ROBO2: variants seen among roughly 807,000 people sequenced by gnomAD.
ROBO2 encodes the protein roundabout guidance receptor 2, also known as roundabout homolog 2.
Under a neutral mutation model 160.8 loss-of-function variants are expected in ROBO2, and 53 were observed. The observed-to-expected ratio is 0.33, with a 90% CI of 0.26 to 0.41. The LOEUF is 0.41. Among genes scored for constraint, ROBO2 ranks in the 10% least tolerant of loss-of-function variants. The probability of loss-of-function intolerance (pLI) is 1.00; values close to 1 mark genes in which losing one functional copy is unlikely to be tolerated. For missense variants in ROBO2, 1,577 were observed against 1,722.4 expected (o/e 0.92, Z 1.49); for synonymous variants, 664 against 611.7 (o/e 1.09, Z -1.26).
chr3:76,563,145 T>A (rs1009661803), intron 2 of ROBO2, among the ~76,000 whole-genome samples: 1 of 151,976 alleles, frequency 6.6e-6, no homozygotes, highest in Non-Finnish European at 1.5e-5. Context: ...CCTTGAAAAA[T>A]TGGGGAAGAT....
At chr3:76,488,346 C>T (rs1046833231) in intron 2 of ROBO2, among the ~76,000 whole-genome samples, 1 of 152,082 alleles carries the variant, frequency 6.6e-6, no homozygotes, top group Non-Finnish European at 1.5e-5. Flanking sequence ...TTCCCTGTGG[C>T]TGTAGGACTG....
At chr3:76,672,917 T>C (rs1244991541) in intron 2 of ROBO2, among the ~76,000 whole-genome samples, 1 of 151,938 alleles carries the variant, frequency 6.6e-6, no homozygotes, top group African/African-American at 2.4e-5. Context: ...TTTCATTTAA[T>C]TTTAATATTG....
chr3:77,048,741 A>G (rs1421699975), intron 1 of ROBO2, among the ~76,000 whole-genome samples: 1 of 152,198 alleles, frequency 6.6e-6, no homozygotes, highest in Non-Finnish European at 1.5e-5. Context: ...ATAATTATCC[A>G]TTAGTTACAT....
chr3:76,181,167 C>T (rs145025914), intron 2 of ROBO2, among the ~76,000 whole-genome samples: 84 of 152,108 alleles, frequency 5.5e-4, no homozygotes, highest in Non-Finnish European at 7.4e-4. Flanking sequence ...ATTACAACTG[C>T]CATTATTTGT....
At chr3:76,350,412 T>C (rs1257294530) in intron 2 of ROBO2, among the ~76,000 whole-genome samples, 2 of 152,078 alleles carry the variant, frequency 1.3e-5, no homozygotes, top group Non-Finnish European at 2.9e-5. Context: ...CTTTGAAATA[T>C]ATCTTCAGTT....
chr3:77,323,148 C>A (rs1008937812), intron 2 of ROBO2, among the ~76,000 whole-genome samples: 2 of 147,170 alleles, frequency 1.4e-5, no homozygotes, highest in South Asian at 2.1e-4. Context: ...TATGTAATTA[C>A]TTGTATCAAA....
intron 2 of ROBO2, among the ~76,000 whole-genome samples, chr3:76,369,035 A>T (rs2075972919): frequency 6.6e-6 from 1 of 151,674 alleles, no homozygotes; most frequent in East Asian, 2.0e-4. Context: ...TTTATTACAT[A>T]TTTTTTTTCT....
intron 2 of ROBO2, among the ~76,000 whole-genome samples, chr3:76,738,712 C>A (rs185918572): frequency 6.6e-6 from 1 of 151,952 alleles, no homozygotes; most frequent in African/African-American, 2.4e-5. Flanking sequence ...ATGATATGGC[C>A]GAGTGAATGA....
At chr3:77,443,658 A>C (rs552782355) in intron 2 of ROBO2, among the ~76,000 whole-genome samples, 1 of 152,292 alleles carries the variant, frequency 6.6e-6, no homozygotes, top group East Asian at 1.9e-4. Context: ...TAACATTTTT[A>C]CCTATATATT....
intron 2 of ROBO2, among the ~76,000 whole-genome samples, chr3:76,245,352 A>G (rs1705554870): frequency 6.6e-6 from 1 of 152,218 alleles, no homozygotes; most frequent in Non-Finnish European, 1.5e-5. Context: ...GGAATATTGT[A>G]GAAATTCCAT....
intron 2 of ROBO2, among the ~76,000 whole-genome samples, chr3:76,515,212 G>GT (rs1301449297): frequency 6.6e-6 from 1 of 152,062 alleles, no homozygotes; most frequent in Non-Finnish European, 1.5e-5. Flanking sequence ...CAATTTTAAA[G>GT]TGAGTTTCTT....
At chr3:76,562,439 A>ATC (rs10598282) in intron 2 of ROBO2, among the ~76,000 whole-genome samples, 35,605 of 147,126 alleles carry the variant, frequency 0.24, 4,949 homozygotes, top group East Asian at 0.41. Flanking sequence ...TATAAGATTG[A>ATC]TCTCTCTCTC....
intron 2 of ROBO2, among the ~76,000 whole-genome samples, chr3:75,992,856 A>AG (rs2065614321): frequency 6.6e-6 from 1 of 152,210 alleles, no homozygotes; most frequent in Non-Finnish European, 1.5e-5. Context: ...ATGAAGTCAA[A>AG]GGAGATCACT....
chr3:77,214,909 C>T (rs1387441717), intron 2 of ROBO2, among the ~76,000 whole-genome samples: 1 of 152,042 alleles, frequency 6.6e-6, no homozygotes, highest in Non-Finnish European at 1.5e-5. Flanking sequence ...ATATTGGCCC[C>T]CACTCTCTTC....
At chr3:76,527,831 C>A (rs2082026063) in intron 2 of ROBO2, among the ~76,000 whole-genome samples, 1 of 152,024 alleles carries the variant, frequency 6.6e-6, no homozygotes, top group Non-Finnish European at 1.5e-5. Context: ...TTCATAAAAG[C>A]TTTTACCAAA....
chr3:76,008,891 T>C (rs925646067), intron 2 of ROBO2, among the ~76,000 whole-genome samples: 66 of 152,102 alleles, frequency 4.3e-4, no homozygotes, highest in Admixed American at 2.2e-3. Flanking sequence ...GGGAAATCTA[T>C]GTATATTTAT....
chr3:75,996,500 T>A (rs683598), intron 2 of ROBO2, among the ~76,000 whole-genome samples: 64,431 of 152,024 alleles, frequency 0.42, 14,944 homozygotes, highest in South Asian at 0.66. Context: ...CCAGGCTTGG[T>A]TAGTTCCTTA....
rs2073076417 is a variant in ROBO2 at position 76,172,426 on chromosome 3, G to A, written c.109+234824G>A. Among the ~76,000 whole-genome samples, 5 of 118,136 alleles carry A rather than the reference G, an allele frequency of 4.2e-5. No individual in the cohort carries two copies. In the South Asian group the frequency reaches 8.1e-4, roughly 19 times the overall value. The allele number at this position is 118,136 out of a possible 152,430, so 77.5% of individuals were successfully genotyped here. A position where few individuals can be genotyped will look rare whatever the true frequency, so the allele number is the denominator to read the frequency against. ...GTGCACATGTACCCTAGAACTTAAA[G>A]TATAATAATTAAAAAAAAAAAAAAA... On this transcript the variant is annotated intron_variant, in intron 2 of 26. Transcript: ENST00000487694.
chr3:76,748,980 CT>C (rs1340777200), intron 2 of ROBO2, among the ~76,000 whole-genome samples: 10 of 151,630 alleles, frequency 6.6e-5, no homozygotes, highest in Non-Finnish European at 1.5e-4. Context: ...ACTTATCTTT[CT>C]TACAATAAAA....
Sources: allele counts gnomAD v4.1 joint callset (sites outside exome capture counted in the v4.1 genomes callset), GRCh38; gene constraint gnomAD v4.1.1; transcripts MANE v1.5; gene names NCBI Gene and HGNC (gene_info 2026-07-23, HGNC 2026-07-21).